Variants in BBX observed in about 807,000 individuals in gnomAD.
BBX encodes the protein HMG box transcription factor BBX.
A neutral mutation model predicts 100.2 loss-of-function variants in BBX; 30 were observed. The observed-to-expected ratio is 0.30, with a 90% confidence interval of 0.22 to 0.41. BBX has a LOEUF of 0.41. BBX is among the 10% of genes least tolerant of loss of function. The pLI, the probability that BBX is intolerant of heterozygous loss-of-function variation, is 1.00. For synonymous variants in BBX, 376 were observed against 388.1 expected (o/e 0.97, Z 0.37); for missense variants, 1,023 against 1,129.8 (o/e 0.91, Z 1.35).
Position 107,772,661 on chromosome 3 carries a change from G to A in BBX, c.940G>A (p.Glu314Lys). The A allele has an allele frequency of 6.3e-7, 1 of 1,593,358 alleles. No homozygotes were observed. The highest frequency in any genetic ancestry group is 1.2e-5 in the South Asian group (1 of 85,306). The change falls in exon 11 of 18, where the codon GAA becomes AAA. Residue 314 changes from glutamate (E) to lysine (K), a missense_variant. By Grantham distance (56) the Glu-to-Lys change is moderately conservative. Around this residue, in one of 9 missense-constraint regions of BBX, gnomAD observed 348 missense variants for 353.2 expected, o/e 0.99. Transcript: ENST00000325805. Reference sequence around the variant, plus strand: ...GGCATCAGAAGGGATGAAAATGGAAGAATCAAAGCTAATAAAAGCAAAAGA... The same window carrying A: ...GGCATCAGAAGGGATGAAAATGGAAAAATCAAAGCTAATAAAAGCAAAAGA... Reference protein sequence around the residue: ...CLASEGMKMEESKLIKAKESD... With the variant: ...CLASEGMKMEKSKLIKAKESD...
chr3:107,766,517 T>C (rs2066405582), intron 10 of BBX, among the ~76,000 whole-genome samples: 1 of 152,164 alleles, frequency 6.6e-6, no homozygotes, highest in Non-Finnish European at 1.5e-5. Context: ...TATGTAATTA[T>C]TGCTTTTGTC....
intron 2 of BBX, among the ~76,000 whole-genome samples, chr3:107,609,611 A>G (rs1233147419): frequency 6.6e-6 from 1 of 151,874 alleles, no homozygotes; most frequent in Non-Finnish European, 1.5e-5. Context: ...GGTAAGTTGT[A>G]TGTGTCTGTG....
chr3:107,560,417 A>T (rs1378177581), intron 2 of BBX, among the ~76,000 whole-genome samples: 1 of 152,242 alleles, frequency 6.6e-6, no homozygotes, highest in Non-Finnish European at 1.5e-5. Context: ...GTCAGCTGAG[A>T]TACTAAGTAA....
chr3:107,585,238 A>G (rs2052743849), intron 2 of BBX, among the ~76,000 whole-genome samples: 1 of 152,128 alleles, frequency 6.6e-6, no homozygotes, highest in Non-Finnish European at 1.5e-5. Context: ...GGAGGAATGG[A>G]GAAGGGTCAG....
At chr3:107,648,382 G>T (rs904345397) in intron 3 of BBX, among the ~76,000 whole-genome samples, 1 of 152,012 alleles carries the variant, frequency 6.6e-6, no homozygotes, top group Non-Finnish European at 1.5e-5. Flanking sequence ...ACTGCAAACT[G>T]GACCCTCTGT....
At position 107,631,974 on chromosome 3, in the gene BBX, TAATTC is replaced by T. The variant is rs576679135; in HGVS notation, c.-83-13860_-83-13856del. Among the ~76,000 whole-genome samples, 996 of 152,376 alleles carry T rather than the reference TAATTC, an allele frequency of 6.5e-3. 14 individuals are homozygous for T. The highest frequency in any genetic ancestry group is 0.022 in the African/African-American group (914 of 41,578). The stretch of plus-strand genomic sequence containing the variant: ...ATTTGAAAATGGTTTTCAGAATTCT[TAATTC>T]AGTTGCCTTTCTTTAGCACTGGCAA... On this transcript the variant is annotated intron_variant, in intron 2 of 17. Coordinates refer to ENST00000325805, the MANE Select transcript of BBX (RefSeq NM_001142568.3).
chr3:107,687,334 C>CT (rs35093419), intron 3 of BBX, among the ~76,000 whole-genome samples: 34,826 of 144,740 alleles, frequency 0.24, 4,725 homozygotes, highest in Non-Finnish European at 0.33. Flanking sequence ...AGTTAAGTTT[C>CT]TTTTTTTTTT....
chr3:107,678,946 A>C (rs2059428911), intron 3 of BBX, among the ~76,000 whole-genome samples: 1 of 152,146 alleles, frequency 6.6e-6, no homozygotes, highest in African/African-American at 2.4e-5. Context: ...GCCAAGGCAC[A>C]GGGAGGTTAG....
chr3:107,580,236 T>C (rs981490614), intron 2 of BBX, among the ~76,000 whole-genome samples: 1 of 152,136 alleles, frequency 6.6e-6, no homozygotes, highest in East Asian at 1.9e-4. Flanking sequence ...TCATGCTTTT[T>C]TCATGAAAAA....
chr3:107,677,685 G>A (rs916967333), intron 3 of BBX, among the ~76,000 whole-genome samples: 1 of 152,074 alleles, frequency 6.6e-6, no homozygotes. Flanking sequence ...AGCTAGGTTA[G>A]GCTATGATAT....
intron 7 of BBX, among the ~76,000 whole-genome samples, chr3:107,737,146 G>A (rs1457215200): frequency 1.3e-5 from 2 of 152,038 alleles, no homozygotes; most frequent in African/African-American, 4.8e-5. Flanking sequence ...AATAAAAGCT[G>A]TAAGGCACTT....
intron 5 of BBX, among the ~76,000 whole-genome samples, chr3:107,719,782 A>G (rs1048606634): frequency 6.6e-6 from 1 of 152,074 alleles, no homozygotes; most frequent in Non-Finnish European, 1.5e-5. Flanking sequence ...ATACAAAACA[A>G]TTATATCTTT....
chr3:107,795,117 A>G (rs543329414), intron 15 of BBX, among the ~76,000 whole-genome samples: 1 of 152,154 alleles, frequency 6.6e-6, no homozygotes, highest in South Asian at 2.1e-4. Flanking sequence ...CTTTTCTTAC[A>G]TTTCCATTAG....
At chr3:107,571,587 A>C (rs1394303819) in intron 2 of BBX, among the ~76,000 whole-genome samples, 1 of 152,132 alleles carries the variant, frequency 6.6e-6, no homozygotes, top group Non-Finnish European at 1.5e-5. Flanking sequence ...AATTGGTGAG[A>C]TATTCCTTGG....
intron 2 of BBX, among the ~76,000 whole-genome samples, chr3:107,554,577 C>T (rs188219301): frequency 5.3e-5 from 8 of 152,140 alleles, no homozygotes; most frequent in Admixed American, 3.3e-4. Context: ...TGGTTACTTG[C>T]GGAGTTTAAC....
rs557172965 is a variant in BBX, at chr3:107,805,729, G to A, written c.*272G>A. 41 of 465,074 alleles carry A rather than the reference G, an allele frequency of 8.8e-5. No homozygotes were observed. The highest frequency in any genetic ancestry group is 4.5e-4 in the African/African-American group (23 of 51,314). The allele number at this position is 465,074 out of a possible 1,614,324, so 28.8% of individuals were successfully genotyped here. ...TTGCTTTCTATTGAAGGCTTTTGAC[G>A]GTAATAGGTGGTAACTTGGTAAAAG... is the stretch of plus-strand genomic sequence containing the variant. On this transcript the variant is annotated 3_prime_UTR_variant, in exon 18 of 18. Transcript: ENST00000325805.
chr3:107,802,313 T>C (rs573058225), intron 17 of BBX, among the ~76,000 whole-genome samples: 1 of 152,358 alleles, frequency 6.6e-6, no homozygotes, highest in East Asian at 1.9e-4. Context: ...TTACCTGTCA[T>C]ATTACAGTTT....
At chr3:107,584,140 ATTATATATAATATATG>A (rs2052600142) in intron 2 of BBX, among the ~76,000 whole-genome samples, 2 of 19,008 alleles carry the variant, frequency 1.1e-4, no homozygotes, top group Non-Finnish European at 2.1e-4. Context: ...TATTATATAT[ATTATATATAATATATG>A]ATATATATAT....
intron 2 of BBX, among the ~76,000 whole-genome samples, chr3:107,531,926 GAC>G (rs1458376579): frequency 1.3e-5 from 2 of 152,104 alleles, no homozygotes; most frequent in Admixed American, 1.3e-4. Context: ...CTTCCGTCAA[GAC>G]ACATGTGTAA....
Sources: allele counts gnomAD v4.1 joint callset (sites outside exome capture counted in the v4.1 genomes callset), GRCh38; gene constraint gnomAD v4.1.1; regional missense constraint gnomAD v4.1.1; transcripts MANE v1.5; gene names NCBI Gene and HGNC (gene_info 2026-07-23, HGNC 2026-07-21).